CLEC16A: variants seen among roughly 807,000 people sequenced by gnomAD.
CLEC16A encodes protein CLEC16A.
A neutral mutation model predicts 109.5 loss-of-function variants in CLEC16A; 51 were observed. The ratio of observed to expected loss-of-function variants is 0.47; its 90% CI spans 0.37 to 0.59. CLEC16A has a LOEUF of 0.59. Ranked by LOEUF, CLEC16A falls within the 20% of genes least tolerant of loss-of-function variation. The pLI, the probability that CLEC16A is intolerant of heterozygous loss-of-function variation, is 0.00. For missense variants in CLEC16A, 1,339 were observed against 1,394.0 expected (o/e 0.96, Z 0.63); for synonymous variants, 673 against 564.2 (o/e 1.19, Z -2.73).
Position 10,980,994 on chromosome 16 carries a change from G to C in CLEC16A, c.957+1612G>C, listed in dbSNP as rs79091017. On this transcript the variant is annotated intron_variant, in intron 9 of 23. Coordinates refer to ENST00000409790, the MANE Select transcript of CLEC16A (RefSeq NM_015226.3). The stretch of plus-strand genomic sequence containing the variant: ...TCCTCCTAAAACCAAACTGCTAACA[G>C]AGTGTGGTGTAGGCAGCTGGGCCCA... 3.5e-3 allele frequency among the ~76,000 whole-genome samples: 540 copies of C among 152,324 alleles called. 3 individuals are homozygous for C. Among genetic ancestry groups the C allele is most frequent in the Non-Finnish European group, 6.4e-3 (434 of 68,030 alleles).
At chr16:11,030,235 T>C (rs1228126654) in intron 13 of CLEC16A, among the ~76,000 whole-genome samples, 1 of 152,232 alleles carries the variant, frequency 6.6e-6, no homozygotes, top group East Asian at 1.9e-4. Context: ...TGTATGAGCA[T>C]ATACATTCTT....
At chr16:11,012,078 C>T (rs2045454887) in intron 11 of CLEC16A, among the ~76,000 whole-genome samples, 4 of 152,094 alleles carry the variant, frequency 2.6e-5, no homozygotes, top group Non-Finnish European at 5.9e-5. Flanking sequence ...TAGCTGAGCA[C>T]ATTAATTCCT....
At chr16:11,027,311 T>A in intron 13 of CLEC16A, 1 of 1,481,572 alleles carries the variant, frequency 6.7e-7, no homozygotes, top group Non-Finnish European at 9.3e-7. Flanking sequence ...TCGAAAGGAT[T>A]GATGGCGTGA....
intron 1 of CLEC16A, among the ~76,000 whole-genome samples, chr16:10,955,936 G>A (rs1253873084): frequency 6.6e-6 from 1 of 152,218 alleles, no homozygotes; most frequent in Non-Finnish European, 1.5e-5. Context: ...ACTTACAAAG[G>A]TGATTCTGAT....
intron 19 of CLEC16A, among the ~76,000 whole-genome samples, chr16:11,103,114 G>A (rs1425041014): frequency 1.3e-5 from 2 of 152,210 alleles, no homozygotes; most frequent in Admixed American, 6.5e-5. Flanking sequence ...ATGAGGTGAA[G>A]AGCCTCAAAC....
rs1360518695 is a variant in CLEC16A at position 11,109,169 on chromosome 16, C to T, written c.2117-11446C>T. On this transcript the variant is annotated intron_variant, in intron 19 of 23. Transcript: ENST00000409790. The stretch of plus-strand genomic sequence containing the variant: ...GGGCCTTGATTCAAAACAGCCCTGA[C>T]TTTTTTTTTTTTATTAGATGGAGTC... Among the ~76,000 whole-genome samples the T allele has an allele frequency of 6.8e-5, 9 of 133,170 alleles. No homozygotes were observed. The South Asian group carries it at 1.2e-3, about 18-fold the overall frequency. 87.4% of individuals were successfully genotyped at this position (133,170 alleles called of 152,430 possible). A position where few individuals can be genotyped will look rare whatever the true frequency, so the allele number is the denominator to read the frequency against.
At chr16:11,100,815 T>A (rs2050872932) in intron 19 of CLEC16A, among the ~76,000 whole-genome samples, 1 of 152,210 alleles carries the variant, frequency 6.6e-6, no homozygotes, top group Admixed American at 6.5e-5. Context: ...GGCTGGAACT[T>A]TTGAAGAGTT....
At chr16:11,120,258 A>G (rs1470252560) in intron 19 of CLEC16A, among the ~76,000 whole-genome samples, 2 of 152,380 alleles carry the variant, frequency 1.3e-5, no homozygotes, top group African/African-American at 4.8e-5. Context: ...GGCGTGAGCC[A>G]CGGCACCCAG....
chr16:11,145,566 C>T (rs1049565011), intron 22 of CLEC16A, among the ~76,000 whole-genome samples: 3 of 152,280 alleles, frequency 2.0e-5, no homozygotes, highest in African/African-American at 7.2e-5. Context: ...CTTTTAGGGC[C>T]ATATGGTCTC....
rs199592017 is a variant in CLEC16A at position 11,178,531 on chromosome 16, G to C, written c.3003G>C (p.Thr1001=). The C allele has an allele frequency of 4.5e-4, 722 of 1,613,160 alleles. 9 individuals are homozygous for C. In the East Asian group the frequency reaches 0.016, roughly 35 times the overall value. ...ISLLCEDTAD[T]LSVESLTLVP... ...TGCTCTGCGAGGACACGGCTGACACGCTGAGCGTCGAATCGCTGACCCTTG... is the reference window on the plus strand; with the variant it reads ...TGCTCTGCGAGGACACGGCTGACACCCTGAGCGTCGAATCGCTGACCCTTG... The change falls in exon 24 of 24, where the codon ACG becomes ACC. Residue 1001 remains threonine, a synonymous_variant. Coordinates refer to ENST00000409790, the MANE Select transcript of CLEC16A (RefSeq NM_015226.3). This position sits in a 1 kb window ranked among gnomAD's most constrained non-coding sequence, Gnocchi z 6.5.
intron 17 of CLEC16A, among the ~76,000 whole-genome samples, chr16:11,051,093 C>T (rs1597209794): frequency 6.6e-6 from 1 of 152,208 alleles, no homozygotes; most frequent in African/African-American, 2.4e-5. Context: ...TAAACGGAAG[C>T]TGCCATCGCC....
chr16:11,077,381 G>C (rs111465165), intron 19 of CLEC16A, among the ~76,000 whole-genome samples: 2,403 of 151,630 alleles, frequency 0.016, 51 homozygotes, highest in African/African-American at 0.055. Flanking sequence ...CTGAGGCAGG[G>C]GAATTGCTTG....
rs560264976 is a variant in CLEC16A, at chr16:10,999,651, C to T, written c.1072-3423C>T. On this transcript the variant is annotated intron_variant, in intron 10 of 23. Transcript: ENST00000409790. ...GTCGTGTTATAAAGGTTTGAAATTT[C>T]CCCAGTAAGCATGCCCTCCCACACC... Among the ~76,000 whole-genome samples the T allele has an allele frequency of 3.9e-5, 6 of 152,324 alleles. No individual in the cohort carries two copies. In the South Asian group the frequency reaches 1.2e-3, roughly 32 times the overall value.
intron 23 of CLEC16A, among the ~76,000 whole-genome samples, chr16:11,170,098 C>T (rs2068441852): frequency 6.6e-6 from 1 of 152,212 alleles, no homozygotes; most frequent in African/African-American, 2.4e-5. Context: ...GATGCGGTTT[C>T]CAAGACTGTC....
chr16:11,113,132 G>A (rs1158516570), intron 19 of CLEC16A, among the ~76,000 whole-genome samples: 1 of 152,222 alleles, frequency 6.6e-6, no homozygotes, highest in African/African-American at 2.4e-5. Context: ...TATGTCCCAA[G>A]GGTGCTGTCA....
rs1044429004 is a variant in CLEC16A at position 11,174,312 on chromosome 16, G to A, written c.2807-4023G>A. On this transcript the variant is annotated intron_variant, in intron 23 of 23. Transcript: ENST00000409790. The surrounding 1 kb of genome is among the most constrained non-coding windows in gnomAD (Gnocchi z 4.7). ...CCCTGTGAGCCGCTCGGGCCGCGAC[G>A]TCCACTCGCCACGCTGCATTTCCAC... The A allele has an allele frequency of 3.9e-5, 17 of 438,698 alleles. No individual in the cohort carries two copies. The highest frequency in any genetic ancestry group is 6.6e-5 in the Non-Finnish European group (14 of 212,632). The allele number at this position is 438,698 out of a possible 1,614,324, so 27.2% of individuals were successfully genotyped here. A position where few individuals can be genotyped will look rare whatever the true frequency, so the allele number is the denominator to read the frequency against.
At chr16:11,011,560 C>G (rs560315109) in intron 11 of CLEC16A, among the ~76,000 whole-genome samples, 117 of 152,202 alleles carry the variant, frequency 7.7e-4, no homozygotes, top group African/African-American at 2.7e-3. Context: ...CCTCCTCTGC[C>G]TGTCCTTGGA....
At chr16:11,068,734 A>G (rs1357922284) in intron 19 of CLEC16A, among the ~76,000 whole-genome samples, 2 of 152,240 alleles carry the variant, frequency 1.3e-5, no homozygotes, top group East Asian at 3.8e-4. Context: ...AAATACAGTC[A>G]GCCCTATGTG....
chr16:10,947,174 C>A (rs181363647), intron 1 of CLEC16A, among the ~76,000 whole-genome samples: 5 of 152,298 alleles, frequency 3.3e-5, no homozygotes, highest in Admixed American at 6.5e-5. Flanking sequence ...ATATTACAGC[C>A]CCAAGAACCT....
Sources: allele counts gnomAD v4.1 joint callset (sites outside exome capture counted in the v4.1 genomes callset), GRCh38; gene constraint gnomAD v4.1.1; non-coding constraint Gnocchi (gnomAD v3.1); transcripts MANE v1.5; gene names NCBI Gene and HGNC (gene_info 2026-07-23, HGNC 2026-07-21).